GALNT3: variants seen among roughly 807,000 people sequenced by gnomAD.
GALNT3 encodes the protein GalNAc transferase 3.
Under a neutral mutation model 69.8 loss-of-function variants are expected in GALNT3, and 51 were observed. That is an observed-to-expected ratio of 0.73 (90% CI 0.58 to 0.92). The LOEUF (loss-of-function observed/expected upper bound fraction) is 0.92, where lower values mean the gene tolerates loss of function less well. GALNT3 is among the 40% of genes least tolerant of loss of function. The pLI is 0.00. For missense variants in GALNT3, 711 were observed against 760.0 expected (o/e 0.94, Z 0.76); for synonymous variants, 265 against 248.5 (o/e 1.07, Z -0.63).
chr2:165,748,723 C>A lies in GALNT3; in HGVS notation c.*58G>T. The A allele has an allele frequency of 6.7e-7, 1 of 1,497,378 alleles. No homozygotes were observed. Among genetic ancestry groups the A allele is most frequent in the Non-Finnish European group, 9.2e-7 (1 of 1,091,326 alleles). The allele number at this position is 1,497,378 out of a possible 1,614,324, so 92.8% of individuals were successfully genotyped here. On this transcript the variant is annotated 3_prime_UTR_variant, in exon 11 of 11. Transcript: ENST00000392701. ...AATTTTCAAAAACTACAGTGTATGC[C>A]TAGTCACAGTTTTATGAGAAAGAAT...
intron 3 of GALNT3, among the ~76,000 whole-genome samples, chr2:165,763,480 C>T (rs940825633): frequency 6.6e-6 from 1 of 152,102 alleles, no homozygotes. Context: ...CTTTTTAACA[C>T]CTTCTAACTA....
chr2:165,761,836 T>C (rs1270611175), intron 4 of GALNT3, 69 bp downstream of exon 4: 1 of 1,536,996 alleles, frequency 6.5e-7, no homozygotes, highest in Admixed American at 1.7e-5. Context: ...AGAAAAGACT[T>C]CCTTACCTTT....
rs917831251 is a variant in GALNT3 at position 165,783,149 on chromosome 2, G to A, written c.-109+10866C>T. 1.1e-4 allele frequency among the ~76,000 whole-genome samples: 16 copies of A among 152,262 alleles called. 1 individual carries two copies. The highest frequency in any genetic ancestry group is 2.9e-4 in the African/African-American group (12 of 41,572). On this transcript the variant is annotated intron_variant, in intron 1 of 10. Transcript: ENST00000392701. ...TTTCATCATCTCCAGTAAAATCAGA[G>A]AGCCAATTTCAATGGTCTACAAAGG...
At chr2:165,765,366 C>A (rs1177769482) in intron 2 of GALNT3, among the ~76,000 whole-genome samples, 2 of 152,076 alleles carry the variant, frequency 1.3e-5, no homozygotes, top group African/African-American at 4.8e-5. Flanking sequence ...ATGAAAATAA[C>A]CTACAATGAG....
intron 1 of GALNT3, among the ~76,000 whole-genome samples, chr2:165,777,851 T>C (rs1683001188): frequency 6.6e-6 from 1 of 152,154 alleles, no homozygotes; most frequent in Non-Finnish European, 1.5e-5. Flanking sequence ...CTAAACTACT[T>C]GCAATTGTTA....
At chr2:165,786,483 T>G (rs754030280) in intron 1 of GALNT3, among the ~76,000 whole-genome samples, 4 of 152,232 alleles carry the variant, frequency 2.6e-5, no homozygotes, top group Non-Finnish European at 4.4e-5. Flanking sequence ...TATAAAATGA[T>G]GCAGTACTTG....
chr2:165,762,047 T>C lies in GALNT3; in HGVS notation c.696A>G (p.Leu232=). 2 of 1,551,254 alleles carry C rather than the reference T, an allele frequency of 1.3e-6. 1 individual carries two copies. Among genetic ancestry groups the C allele is most frequent in the South Asian group, 2.2e-5 (2 of 89,770 alleles). ...LVDDASVDEY[L]HDKLDEYVKQ... ...TTACATATTCATCTAGTTTATCATG[T>C]AAGTACTCTGTAAGGAAAAAAAATC... The change falls in exon 4 of 11, where the codon TTA becomes TTG. Residue 232 remains leucine (L), a synonymous_variant. Coordinates refer to ENST00000392701, the MANE Select transcript of GALNT3 (RefSeq NM_004482.4).
chr2:165,780,676 G>GT (rs1230187915), intron 1 of GALNT3, among the ~76,000 whole-genome samples: 1 of 150,992 alleles, frequency 6.6e-6, no homozygotes, highest in East Asian at 1.9e-4. Context: ...TGTTGTTGTT[G>GT]TTTTTTCTTC....
At chr2:165,759,977 GT>G (rs1688515487) in intron 4 of GALNT3, among the ~76,000 whole-genome samples, 1 of 152,076 alleles carries the variant, frequency 6.6e-6, no homozygotes, top group Non-Finnish European at 1.5e-5. Flanking sequence ...AAGGTTTATT[GT>G]GATGAGATGA....
intron 4 of GALNT3, among the ~76,000 whole-genome samples, chr2:165,761,115 T>TA (rs1168471396): frequency 6.5e-5 from 6 of 91,722 alleles, no homozygotes; most frequent in Admixed American, 1.2e-4. Flanking sequence ...GTCTGCAAAT[T>TA]TAAAAAAAAA....
chr2:165,772,619 A>G (rs1054457676), intron 1 of GALNT3, among the ~76,000 whole-genome samples: 2 of 151,534 alleles, frequency 1.3e-5, no homozygotes, highest in Admixed American at 6.6e-5. Flanking sequence ...AGGGAAAACA[A>G]TGTAGAAGGT....
intron 1 of GALNT3, among the ~76,000 whole-genome samples, chr2:165,791,977 G>A (rs1314484917): frequency 6.6e-6 from 1 of 152,144 alleles, no homozygotes; most frequent in Non-Finnish European, 1.5e-5. Context: ...AAAGAAAAAA[G>A]ATAAACATCT....
chr2:165,790,753 C>T (rs1029204398), intron 1 of GALNT3, among the ~76,000 whole-genome samples: 2 of 152,182 alleles, frequency 1.3e-5, no homozygotes, highest in South Asian at 4.2e-4. Flanking sequence ...ATTGAGGGAT[C>T]TATTTTAATC....
At chr2:165,759,953 G>A (rs566242703) in intron 4 of GALNT3, among the ~76,000 whole-genome samples, 1 of 152,048 alleles carries the variant, frequency 6.6e-6, no homozygotes, top group African/African-American at 2.4e-5. Context: ...ATCTCCAGAA[G>A]GGGAGATTTT....
At chr2:165,754,892 A>G in intron 8 of GALNT3, 40 bp downstream of exon 8, 1 of 1,605,972 alleles carries the variant, frequency 6.2e-7, no homozygotes, top group South Asian at 1.1e-5. Flanking sequence ...GTTGGTGGCA[A>G]GGAGTATATT....
intron 5 of GALNT3, 56 bp from the exon 6 acceptor site, chr2:165,758,920 C>A: frequency 1.8e-6 from 2 of 1,085,136 alleles, no homozygotes; most frequent in African/African-American, 3.1e-5. Context: ...GATAAAACAG[C>A]ATATTTTAAG....
At chr2:165,790,043 T>C (rs1683311414) in intron 1 of GALNT3, among the ~76,000 whole-genome samples, 1 of 152,356 alleles carries the variant, frequency 6.6e-6, no homozygotes, top group Non-Finnish European at 1.5e-5. Flanking sequence ...GGTTGTTTGT[T>C]CATTTGTTTT....
chr2:165,762,963 CTTTTCT>C (rs1235109266), intron 3 of GALNT3, among the ~76,000 whole-genome samples: 3 of 75,740 alleles, frequency 4.0e-5, no homozygotes, highest in East Asian at 4.3e-4. Context: ...TTTTTCTTTT[CTTTTCT>C]TTTTTTTTTT....
intron 1 of GALNT3, among the ~76,000 whole-genome samples, chr2:165,791,345 A>G (rs966812921): frequency 6.6e-6 from 1 of 152,064 alleles, no homozygotes; most frequent in African/African-American, 2.4e-5. Context: ...AAGAACAAAA[A>G]TTCAACAGAA....
Sources: allele counts gnomAD v4.1 joint callset (sites outside exome capture counted in the v4.1 genomes callset), GRCh38; gene constraint gnomAD v4.1.1; transcripts MANE v1.5; gene names NCBI Gene and HGNC (gene_info 2026-07-23, HGNC 2026-07-21).